Variants in PIWIL2 observed in about 807,000 individuals in gnomAD.
The protein encoded by PIWIL2 is piwi-like protein 2.
In PIWIL2, 81 loss-of-function variants were observed where a neutral mutation model predicts 116.5. The observed-to-expected ratio is 0.70, with a 90% CI of 0.58 to 0.84. PIWIL2 has a LOEUF of 0.84. PIWIL2 is among the 40% of genes least tolerant of loss of function. PIWIL2 has a pLI of 0.00. For synonymous variants in PIWIL2, 489 were observed against 429.5 expected (o/e 1.14, Z -1.71); for missense variants, 1,272 against 1,212.3 (o/e 1.05, Z -0.73).
chr8:22,282,182 G>A (rs1172625364), intron 4 of PIWIL2, among the ~76,000 whole-genome samples: 1 of 143,570 alleles, frequency 7.0e-6, no homozygotes, highest in African/African-American at 2.6e-5. Context: ...CCAGGTTCAA[G>A]CGATTCTCCT....
At chr8:22,337,608 G>A (rs941129201) in intron 20 of PIWIL2, among the ~76,000 whole-genome samples, 3 of 151,704 alleles carry the variant, frequency 2.0e-5, no homozygotes, top group Admixed American at 2.0e-4. Flanking sequence ...GTGCATGCCT[G>A]TAATCCGAGG....
chr8:22,317,290 G>A (rs1831483273), intron 19 of PIWIL2, among the ~76,000 whole-genome samples: 1 of 152,082 alleles, frequency 6.6e-6, no homozygotes, highest in African/African-American at 2.4e-5. Context: ...TCATGGTCCA[G>A]CTTTTATTCA....
At chr8:22,326,508 A>G (rs370101679) in intron 20 of PIWIL2, among the ~76,000 whole-genome samples, 19 of 152,148 alleles carry the variant, frequency 1.2e-4, no homozygotes, top group African/African-American at 4.3e-4. Context: ...CCTTATTCAC[A>G]CCTTCTCCTA....
intron 13 of PIWIL2, among the ~76,000 whole-genome samples, chr8:22,306,514 G>T (rs903749837): frequency 1.3e-5 from 2 of 152,140 alleles, no homozygotes; most frequent in African/African-American, 4.8e-5. Flanking sequence ...AGCTCCTGTG[G>T]GCAGGGCTGA....
At chr8:22,276,863 A>G (rs921535407) in intron 1 of PIWIL2, among the ~76,000 whole-genome samples, 1 of 151,814 alleles carries the variant, frequency 6.6e-6, no homozygotes, top group Non-Finnish European at 1.5e-5. Flanking sequence ...AGATGCCACC[A>G]CTTCACTGTA....
intron 10 of PIWIL2, among the ~76,000 whole-genome samples, chr8:22,290,851 T>C (rs1830745028): frequency 1.3e-5 from 2 of 152,042 alleles, no homozygotes; most frequent in African/African-American, 4.8e-5. Context: ...TGCTGTGCTT[T>C]GAGAAGGAGT....
At position 22,307,969 on chromosome 8, in the gene PIWIL2, C is replaced by T. The variant is rs374959539; in HGVS notation, c.1582C>T (p.His528Tyr). The T allele has an allele frequency of 5.0e-6, 8 of 1,612,316 alleles. No homozygotes were observed. The highest frequency in any genetic ancestry group is 6.8e-6 in the Non-Finnish European group (8 of 1,178,944). Residue 528 changes from histidine to tyrosine, a missense_variant, in exon 14 of 23, where the codon CAC (histidine) becomes TAC (tyrosine). Physicochemically the swap from His to Tyr is moderately conservative, Grantham distance 83. Coordinates refer to ENST00000356766, the MANE Select transcript of PIWIL2 (RefSeq NM_018068.5). ...AQQINLSPKQ[H>Y]HSALECLLQR... ...GCAAATCAATCTGAGCCCCAAGCAACACCATAGTGCTTTGGAATGCTTGCT... is the reference window on the plus strand; with the variant it reads ...GCAAATCAATCTGAGCCCCAAGCAATACCATAGTGCTTTGGAATGCTTGCT...
At chr8:22,299,135 A>ATT (rs1403406834) in intron 10 of PIWIL2, among the ~76,000 whole-genome samples, 1 of 151,702 alleles carries the variant, frequency 6.6e-6, no homozygotes. Flanking sequence ...TTTCTTAGAT[A>ATT]TTAATCTTAA....
intron 19 of PIWIL2, 134 bp downstream of exon 19, chr8:22,316,467 C>T (rs1446272845): frequency 3.1e-6 from 2 of 642,380 alleles, no homozygotes; most frequent in Non-Finnish European, 5.4e-6. Flanking sequence ...CCTCTATCTT[C>T]ATGTGAATTT....
At chr8:22,296,129 C>T (rs1830900642) in intron 10 of PIWIL2, among the ~76,000 whole-genome samples, 1 of 148,218 alleles carries the variant, frequency 6.7e-6, no homozygotes, top group African/African-American at 2.5e-5. Flanking sequence ...GATCTCGGCT[C>T]ACTGCAACTT....
At chr8:22,314,211 C>T (rs1288356250) in intron 16 of PIWIL2, 117 bp from the exon 17 acceptor site, 5 of 460,660 alleles carry the variant, frequency 1.1e-5, no homozygotes. Flanking sequence ...TATTTCAGTT[C>T]CCTGTCTTCC....
At chr8:22,284,643 C>A (rs1209692636) in intron 6 of PIWIL2, among the ~76,000 whole-genome samples, 1 of 139,908 alleles carries the variant, frequency 7.1e-6, no homozygotes, top group Non-Finnish European at 1.6e-5. Context: ...ACCCTCCCCC[C>A]TCCCCCATCA....
At chr8:22,294,391 C>T (rs1433651295) in intron 10 of PIWIL2, among the ~76,000 whole-genome samples, 5 of 140,962 alleles carry the variant, frequency 3.5e-5, no homozygotes, top group African/African-American at 1.3e-4. Context: ...CCTGTAATCC[C>T]AACACTTTGG....
In PIWIL2 at chr8:22,353,229, T is replaced by TGTAG. The variant is rs756757413; in HGVS notation, c.2657+18_2657+21dup. Reference sequence around the variant, plus strand: ...CTGTGAGTGGTAAGTGAGCAAAATATGTAGTATTGGAGGAAGAATAAGTTG... The same window carrying TGTAG: ...CTGTGAGTGGTAAGTGAGCAAAATATGTAGGTAGTATTGGAGGAAGAATAAGTTG... On this transcript the variant is annotated intron_variant, in intron 21 of 22. Transcript: ENST00000356766. 1.2e-6 allele frequency: 2 copies of TGTAG among 1,600,964 alleles called. No individual in the cohort carries two copies. Among genetic ancestry groups the TGTAG allele is most frequent in the Non-Finnish European group, 1.7e-6 (2 of 1,170,170 alleles).
chr8:22,349,373 T>C (rs912214426), intron 20 of PIWIL2, among the ~76,000 whole-genome samples: 2 of 148,932 alleles, frequency 1.3e-5, no homozygotes, highest in African/African-American at 2.4e-5. Flanking sequence ...CTGTATATCC[T>C]TGATCTAGCT....
At chr8:22,276,648 C>G (rs562967721) in intron 1 of PIWIL2, among the ~76,000 whole-genome samples, 2 of 152,266 alleles carry the variant, frequency 1.3e-5, no homozygotes, top group East Asian at 3.9e-4. Context: ...AGAGGCTTCT[C>G]CCAGCATTTG....
At chr8:22,322,220 A>G (rs148553606) in intron 20 of PIWIL2, among the ~76,000 whole-genome samples, 33 of 151,550 alleles carry the variant, frequency 2.2e-4, no homozygotes, top group Non-Finnish European at 3.1e-4. Flanking sequence ...TTTTTCTGTA[A>G]CTAGGCTTTT....
At chr8:22,353,764 CTTTTT>C (rs760913894) in intron 21 of PIWIL2, among the ~76,000 whole-genome samples, 38 of 68,364 alleles carry the variant, frequency 5.6e-4, no homozygotes, top group African/African-American at 1.4e-3. Flanking sequence ...GTTTCTACCA[CTTTTT>C]TTTTTTTTTT....
At chr8:22,303,808 G>T (rs971418621) in intron 10 of PIWIL2, among the ~76,000 whole-genome samples, 3 of 152,044 alleles carry the variant, frequency 2.0e-5, no homozygotes, top group Admixed American at 6.6e-5. Context: ...CCAACTTCTG[G>T]GTTCAAGCAG....
Sources: gnomAD v4.1 joint callset for allele counts (sites outside exome capture counted in the v4.1 genomes callset) on GRCh38, gnomAD v4.1.1 for gene constraint, MANE v1.5 for transcripts, NCBI Gene and HGNC (gene_info 2026-07-23, HGNC 2026-07-21) for gene names.